POTEF: variants seen among roughly 807,000 people sequenced by gnomAD.
POTEF encodes POTE ankyrin domain family member F.
In POTEF, 20 loss-of-function variants were observed where a neutral mutation model predicts 83.2. The observed-to-expected ratio is 0.24, with a 90% confidence interval of 0.17 to 0.35. The LOEUF is 0.35. Among genes scored for constraint, POTEF ranks in the 10% least tolerant of loss-of-function variants. The probability of loss-of-function intolerance (pLI) is 1.00; values close to 1 mark genes in which losing one functional copy is unlikely to be tolerated. For synonymous variants in POTEF, 196 were observed against 446.4 expected (o/e 0.44, Z 7.07); for missense variants, 550 against 1,203.2 (o/e 0.46, Z 8.03).
Position 130,075,206 on chromosome 2 carries a change from T to A in POTEF, c.2266A>T (p.Lys756Ter). The A allele has an allele frequency of 2.5e-6, 4 of 1,612,726 alleles. No homozygotes were observed. Among genetic ancestry groups the A allele is most frequent in the Non-Finnish European group, 3.4e-6 (4 of 1,179,896 alleles). ...GMHQKESYVG[K>*]EAQSKRGILT... ...ATGCCTCTTTTGCTCTGGGCCTCCT[T>A]GCCCACATAGGACTCTTTCTGATGC... The change falls in exon 17 of 17, where the codon AAG becomes TAG. Residue 756 changes from lysine (K) to a stop codon, truncating the protein, a stop_gained. Transcript: ENST00000409914. LOFTEE classifies it high-confidence loss of function.
At chr2:130,100,828 G>C (rs1684349901) in intron 9 of POTEF, 108 bp from the exon 10 acceptor site, 5 of 1,096,258 alleles carry the variant, frequency 4.6e-6, no homozygotes, top group Middle Eastern at 3.3e-4. Flanking sequence ...ATCAAGTATG[G>C]ACAATGAAAA....
chr2:130,118,282 C>T (rs921132578), intron 3 of POTEF, among the ~76,000 whole-genome samples: 2 of 151,846 alleles, frequency 1.3e-5, no homozygotes, highest in African/African-American at 4.9e-5. Context: ...GTATTTCATT[C>T]CTCTTCTAAC....
chr2:130,101,401 C>T (rs1684369562), intron 9 of POTEF, among the ~76,000 whole-genome samples: 1 of 148,988 alleles, frequency 6.7e-6, no homozygotes, highest in Non-Finnish European at 1.5e-5. Context: ...TAATTTTCTG[C>T]AACTGAAATA....
chr2:130,110,865 C>CA (rs1339137499), intron 6 of POTEF, among the ~76,000 whole-genome samples, 185 bp from the exon 7 acceptor site: 1 of 91,268 alleles, frequency 1.1e-5, no homozygotes, highest in Non-Finnish European at 2.0e-5. Flanking sequence ...AGGAAGGGAC[C>CA]AAAAAAAACC....
In POTEF at chr2:130,074,032, C is replaced by T. The variant is rs1683697729; in HGVS notation, c.*212G>A. On this transcript the variant is annotated 3_prime_UTR_variant, in exon 17 of 17. Coordinates refer to ENST00000409914, the MANE Select transcript of POTEF (RefSeq NM_001099771.2). ...AAGAAGAACAAGGTACAATCAAAGT[C>T]CTTGGCCACATTGTAGAACTTTGGA... The T allele has an allele frequency of 2.1e-6, 2 of 933,090 alleles. No individual in the cohort carries two copies. The highest frequency in any genetic ancestry group is 3.2e-6 in the Non-Finnish European group (2 of 630,640). The allele number at this position is 933,090 out of a possible 1,614,324, so 57.8% of individuals were successfully genotyped here.
chr2:130,094,836 T>A, intron 11 of POTEF, among the ~76,000 whole-genome samples: 1 of 59,768 alleles, frequency 1.7e-5, no homozygotes, highest in African/African-American at 6.5e-5. Flanking sequence ...GCAATTCCTC[T>A]GACTCAGTTT....
Position 130,119,359 on chromosome 2 carries a change from G to C in POTEF, c.521+636C>G, listed in dbSNP as rs1012106329. Among the ~76,000 whole-genome samples the C allele has an allele frequency of 7.4e-4, 113 of 151,762 alleles. 1 individual carries two copies. Among genetic ancestry groups the C allele is most frequent in the African/African-American group, 2.6e-3 (107 of 41,260 alleles). On this transcript the variant is annotated intron_variant, in intron 3 of 16. Transcript: ENST00000409914. ...TTTTTATATTTTTTAGTAGAGACAG[G>C]GTTTCACCGTGTTAGCCAGGATGGT...
At chr2:130,124,319 T>C (rs976128920) in intron 2 of POTEF, among the ~76,000 whole-genome samples, 1 of 108,404 alleles carries the variant, frequency 9.2e-6, no homozygotes, top group African/African-American at 4.1e-5. Flanking sequence ...AGCCATTATA[T>C]ATACATCACA....
At chr2:130,113,112 T>C (rs1439142654) in intron 5 of POTEF, among the ~76,000 whole-genome samples, 1 of 139,982 alleles carries the variant, frequency 7.1e-6, no homozygotes, top group African/African-American at 3.0e-5. Flanking sequence ...TCAGGAATGG[T>C]GGCTCACACC....
intron 11 of POTEF, among the ~76,000 whole-genome samples, chr2:130,095,179 T>C (rs1386815433): frequency 1.1e-5 from 1 of 90,576 alleles, no homozygotes. Context: ...AGGCGCATGC[T>C]GCCACACCCG....
Position 130,120,343 on chromosome 2 carries a change from C to T in POTEF, c.173G>A (p.Arg58Lys). 6.2e-7 allele frequency: 1 copy of T among 1,611,550 alleles called. No homozygotes were observed. The highest frequency in any genetic ancestry group is 8.5e-7 in the Non-Finnish European group (1 of 1,179,782). The change falls in exon 3 of 17, where the codon AGG (arginine) becomes AAG (lysine). Residue 58 changes from arginine (R) to lysine (K), a missense_variant. Physicochemically the swap from Arg to Lys is conservative, Grantham distance 26. Transcript: ENST00000409914. Reference sequence around the variant, plus strand: ...GCGGCACCACTTGCCCATCTTGCTCCTGAGTGTCTTCATAGCAGAGTCGTC... The same window carrying T: ...GCGGCACCACTTGCCCATCTTGCTCTTGAGTGTCTTCATAGCAGAGTCGTC... ...DHDDSAMKTL[R>K]SKMGKWCRHC...
rs1235575243 is a variant in POTEF at position 130,106,126 on chromosome 2, A to C, written c.1126+1883T>G. Among the ~76,000 whole-genome samples, 95 of 151,006 alleles carry C rather than the reference A, an allele frequency of 6.3e-4. 2 individuals carry two copies. The highest frequency in any genetic ancestry group is 2.2e-3 in the African/African-American group (88 of 40,408). On this transcript the variant is annotated intron_variant, in intron 8 of 16. Coordinates refer to ENST00000409914, the MANE Select transcript of POTEF (RefSeq NM_001099771.2). ...CTGCTGCGGATTAGCCAACCATGAA[A>C]GGAGACGTGAATAAAACACTGTCAA...
intron 11 of POTEF, among the ~76,000 whole-genome samples, chr2:130,098,633 CATTA>C (rs1311568734): frequency 2.3e-5 from 3 of 133,286 alleles, no homozygotes; most frequent in Non-Finnish European, 3.1e-5. Flanking sequence ...TTGCATACTA[CATTA>C]ATTTCTGGGT....
intron 13 of POTEF, among the ~76,000 whole-genome samples, chr2:130,087,600 T>C (rs1684038848): frequency 9.8e-6 from 1 of 101,720 alleles, no homozygotes; most frequent in Non-Finnish European, 1.9e-5. Context: ...GGTTGCTGAT[T>C]TTATTACAAT....
At chr2:130,096,728 G>A (rs1396398225) in intron 11 of POTEF, among the ~76,000 whole-genome samples, 1 of 150,992 alleles carries the variant, frequency 6.6e-6, no homozygotes, top group East Asian at 2.0e-4. Flanking sequence ...GATCACCTGA[G>A]GTCAGGAGTT....
chr2:130,127,287 G>T (rs12622935), intron 2 of POTEF, among the ~76,000 whole-genome samples: 89,299 of 136,986 alleles, frequency 0.65, 29,383 homozygotes, highest in African/African-American at 0.75. Context: ...ATCACACCAC[G>T]GCACTCCAGC....
chr2:130,128,336 G>C (rs1032343226), intron 1 of POTEF, among the ~76,000 whole-genome samples: 2 of 151,962 alleles, frequency 1.3e-5, no homozygotes, highest in Non-Finnish European at 2.9e-5. Context: ...GATTGCACCA[G>C]GAGGAACTCT....
chr2:130,102,450 A>C (rs1197600482), intron 8 of POTEF, among the ~76,000 whole-genome samples: 2 of 125,436 alleles, frequency 1.6e-5, no homozygotes, highest in Non-Finnish European at 3.4e-5. Context: ...GAAGCATCTA[A>C]GGTAACACAG....
chr2:130,103,031 C>T (rs1463661652), intron 8 of POTEF, among the ~76,000 whole-genome samples: 1 of 150,842 alleles, frequency 6.6e-6, no homozygotes, highest in African/African-American at 2.5e-5. Context: ...TATTAGTGTA[C>T]AATGTCTTCC....
Sources: allele counts gnomAD v4.1 joint callset (sites outside exome capture counted in the v4.1 genomes callset), GRCh38; gene constraint gnomAD v4.1.1; transcripts MANE v1.5; gene names NCBI Gene and HGNC (gene_info 2026-07-23, HGNC 2026-07-21).